SYTL2: variants seen among roughly 807,000 people sequenced by gnomAD.
The protein encoded by SYTL2 is synaptotagmin like 2, also known as synaptotagmin-like protein 2.
In SYTL2, 165 loss-of-function variants were observed where a neutral mutation model predicts 198.7. The ratio of observed to expected loss-of-function variants is 0.83; its 90% CI spans 0.73 to 0.94. SYTL2 has a LOEUF of 0.94. Among genes scored for constraint, SYTL2 ranks in the 40% least tolerant of loss-of-function variants. SYTL2 has a pLI of 0.00. For synonymous variants in SYTL2, 966 were observed against 917.7 expected, an observed-to-expected ratio of 1.05 and a Z score of -0.95; for missense variants, 2,835 against 2,582.8, an observed-to-expected ratio of 1.10 and a Z score of -2.12.
intron 12 of SYTL2, among the ~76,000 whole-genome samples, chr11:85,713,041 T>C (rs1439301935): frequency 6.6e-6 from 1 of 152,186 alleles, no homozygotes; most frequent in Non-Finnish European, 1.5e-5. Context: ...ATGGTTGAAC[T>C]GCATGGCATG....
At chr11:85,800,057 G>C (rs1416225893) in intron 1 of SYTL2, among the ~76,000 whole-genome samples, 8 of 152,090 alleles carry the variant, frequency 5.3e-5, no homozygotes. Flanking sequence ...TCACACCCTT[G>C]GTCACTGCAT....
chr11:85,728,034 T>C (rs1178653887), intron 7 of SYTL2, 67 bp from the exon 8 acceptor site: 1 of 1,375,760 alleles, frequency 7.3e-7, no homozygotes, highest in Non-Finnish European at 9.8e-7. Context: ...ATCATTCACA[T>C]CATCATCTTT....
rs368569996 is a variant in SYTL2, at chr11:85,734,179, G to T, written c.1150C>A (p.Pro384Thr). The change falls in exon 7 of 20, where the codon CCT becomes ACT. Residue 384 changes from proline to threonine, a missense_variant. Around this residue, in one of 3 missense-constraint regions of SYTL2, gnomAD observed 2,645 missense variants for 2,381.7 expected, o/e 1.11. Coordinates refer to ENST00000359152, the MANE Select transcript of SYTL2 (RefSeq NM_206927.4). Reference protein sequence around the residue: ...DTEEFQSDPKPSQYRKPSLFH... With the variant: ...DTEEFQSDPKTSQYRKPSLFH... ...AGCGAAGGCTTTCTGTATTGAGAAG[G>T]CTTAGGGTCACTCTGAAACTCTTCT... 3 of 1,614,026 alleles carry T rather than the reference G, an allele frequency of 1.9e-6. No homozygotes were observed. In the South Asian group the frequency reaches 3.3e-5, roughly 18 times the overall value.
At chr11:85,776,925 G>A (rs2092461678) in intron 1 of SYTL2, among the ~76,000 whole-genome samples, 2 of 152,266 alleles carry the variant, frequency 1.3e-5, no homozygotes, top group South Asian at 4.1e-4. Flanking sequence ...CAGCTCTGTG[G>A]TTAGAGGGGT....
At position 85,725,577 on chromosome 11, in the gene SYTL2, C is replaced by G. The variant is rs747683549; in HGVS notation, c.3781G>C (p.Ala1261Pro). The change falls in exon 8 of 20, where the codon GCT (alanine) becomes CCT (proline). Residue 1261 changes from alanine (A) to proline (P), a missense_variant. Physicochemically the swap from Ala to Pro is conservative, Grantham distance 27 (BLOSUM62 -1). Coordinates refer to ENST00000359152, the MANE Select transcript of SYTL2 (RefSeq NM_206927.4). ...GGAGCTAGTATTTCTCTCTTATCAG[C>G]TGAAGTATTGTGACTCTGTTCTATC... ...KGIEQSHNTS[A>P]DKREILAPFP... is the part of the protein sequence containing the mutation. 10 of 1,614,068 alleles carry G rather than the reference C, an allele frequency of 6.2e-6. No individual in the cohort carries two copies. The highest frequency in any genetic ancestry group is 8.5e-6 in the Non-Finnish European group (10 of 1,179,966).
intron 1 of SYTL2, among the ~76,000 whole-genome samples, chr11:85,780,338 TAA>T (rs767409831): frequency 6.6e-6 from 1 of 152,358 alleles, no homozygotes; most frequent in Admixed American, 6.5e-5. Flanking sequence ...TCTGGAGTGA[TAA>T]GAGTGTCTTT....
the SYTL2 span, among the ~76,000 whole-genome samples, chr11:85,844,987 T>G: frequency 6.6e-6 from 1 of 152,180 alleles, no homozygotes; most frequent in Non-Finnish European, 1.5e-5. Flanking sequence ...TAGAAACTCA[T>G]CATTTTCGTT....
At chr11:85,719,905 C>A (rs2153452294) in intron 9 of SYTL2, among the ~76,000 whole-genome samples, 1 of 152,232 alleles carries the variant, frequency 6.6e-6, no homozygotes, top group East Asian at 1.9e-4. Flanking sequence ...ATAACAATGG[C>A]CAATTTTCAA....
intron 9 of SYTL2, 76 bp from the exon 10 acceptor site, chr11:85,718,919 A>G (rs1378796809): frequency 4.3e-5 from 68 of 1,576,556 alleles, no homozygotes; most frequent in Non-Finnish European, 1.0e-5. Context: ...TGTCCCTGGA[A>G]GCCCCCGGAG....
intron 2 of SYTL2, among the ~76,000 whole-genome samples, chr11:85,752,950 A>AAC (rs1565984444): frequency 6.3e-4 from 90 of 142,462 alleles, no homozygotes; most frequent in East Asian, 2.0e-3. Flanking sequence ...AAAAAAAAAA[A>AAC]ACACAACTAG....
At chr11:85,709,589 T>C (rs2085893857) in intron 13 of SYTL2, 89 bp from the exon 14 acceptor site, 1 of 1,247,648 alleles carries the variant, frequency 8.0e-7, no homozygotes, top group African/African-American at 1.5e-5. Context: ...GCTGGCATTA[T>C]TTCTTTAGCT....
chr11:85,739,704 C>T (rs1461358260), intron 4 of SYTL2, among the ~76,000 whole-genome samples: 2 of 152,154 alleles, frequency 1.3e-5, no homozygotes, highest in Non-Finnish European at 2.9e-5. Flanking sequence ...ATCTATCATT[C>T]TCTCCATCTC....
In SYTL2 at chr11:85,754,866, TAAC is replaced by T. The variant is rs1442353674; in HGVS notation, c.101+2756_101+2758del. Among the ~76,000 whole-genome samples the T allele has an allele frequency of 6.6e-5, 10 of 152,180 alleles. No homozygotes were observed. In the East Asian group the frequency reaches 1.7e-3, roughly 26 times the overall value. On this transcript the variant is annotated intron_variant, in intron 2 of 19. Transcript: ENST00000359152. ...CCCTTACTGTTCCTTTCTGAAAGAA[TAAC>T]AACGATGAGCAGAATAGAGCAGAGG...
the SYTL2 span, among the ~76,000 whole-genome samples, chr11:85,837,114 T>C: frequency 6.6e-6 from 1 of 152,240 alleles, no homozygotes; most frequent in African/African-American, 2.4e-5. Flanking sequence ...ATTTACAGAA[T>C]CAGGCTCCAA....
chr11:85,707,315 C>T (rs1423109074), intron 15 of SYTL2, 114 bp downstream of exon 15: 2 of 691,418 alleles, frequency 2.9e-6, no homozygotes, highest in Non-Finnish European at 5.1e-6. Context: ...CATTTGTATT[C>T]CCTTCCTTCT....
chr11:85,763,461 C>T (rs2092151988), intron 1 of SYTL2, among the ~76,000 whole-genome samples: 1 of 152,178 alleles, frequency 6.6e-6, no homozygotes, highest in African/African-American at 2.4e-5. Context: ...AACTCTAATT[C>T]CAATTAAAAT....
At chr11:85,713,742 C>T (rs898198149) in intron 12 of SYTL2, among the ~76,000 whole-genome samples, 1 of 152,190 alleles carries the variant, frequency 6.6e-6, no homozygotes. Context: ...AGGTACCTGG[C>T]ACATATTAGG....
Position 85,777,890 on chromosome 11 carries a change from G to A in SYTL2, c.-389-19776C>T, listed in dbSNP as rs554480583. Reference sequence around the variant, plus strand: ...GGCTGGAGTGCAATGGCATAATCTCGGCTCACTGCAACCTCTGACTCCCTA... The same window carrying A: ...GGCTGGAGTGCAATGGCATAATCTCAGCTCACTGCAACCTCTGACTCCCTA... On this transcript the variant is annotated intron_variant, in intron 1 of 19. Transcript: ENST00000359152. Among the ~76,000 whole-genome samples, 14 of 124,304 alleles carry A rather than the reference G, an allele frequency of 1.1e-4. No homozygotes were observed. In the South Asian group the frequency reaches 1.9e-3, roughly 16 times the overall value. 81.5% of individuals were successfully genotyped at this position (124,304 alleles called of 152,430 possible).
intron 1 of SYTL2, among the ~76,000 whole-genome samples, chr11:85,809,833 G>A (rs1395774033): frequency 6.6e-6 from 1 of 152,178 alleles, no homozygotes; most frequent in Admixed American, 6.5e-5. Context: ...GATTTCACCT[G>A]GATACCACAC....
Sources: gnomAD v4.1 joint callset for allele counts (sites outside exome capture counted in the v4.1 genomes callset) on GRCh38, gnomAD v4.1.1 for gene constraint, gnomAD v4.1.1 regional missense constraint, MANE v1.5 for transcripts, NCBI Gene and HGNC (gene_info 2026-07-23, HGNC 2026-07-21) for gene names.